Variants in PDE1A observed in about 807,000 individuals in gnomAD.
PDE1A encodes phosphodiesterase 1A, also known as dual specificity calcium/calmodulin-dependent 3',5'-cyclic nucleotide phosphodiesterase 1A.
In PDE1A, 35 loss-of-function variants were observed where a neutral mutation model predicts 61.7. That is an observed-to-expected ratio of 0.57 (90% CI 0.43 to 0.75). PDE1A has a LOEUF of 0.75. Ranked by LOEUF, PDE1A falls within the 30% of genes least tolerant of loss-of-function variation. The probability of loss-of-function intolerance (pLI) is 0.00; values close to 1 mark genes in which losing one functional copy is unlikely to be tolerated. For synonymous variants in PDE1A, 232 were observed against 213.2 expected, an observed-to-expected ratio of 1.09 and a Z score of -0.77; for missense variants, 597 against 630.6, an observed-to-expected ratio of 0.95 and a Z score of 0.57.
At chr2:182,596,427 CAG>C in the PDE1A span, among the ~76,000 whole-genome samples, 4 of 152,294 alleles carry the variant, frequency 2.6e-5, no homozygotes, top group East Asian at 1.9e-4. Flanking sequence ...TGAGAATTTG[CAG>C]AGTCTTAAAA....
At chr2:182,493,988 C>A (rs544422469) in intron 2 of PDE1A, among the ~76,000 whole-genome samples, 1 of 152,278 alleles carries the variant, frequency 6.6e-6, no homozygotes, top group South Asian at 2.1e-4. Context: ...GAAGAAATTC[C>A]AGATCATGGC....
chr2:182,508,810 TA>T lies in PDE1A; in HGVS notation c.101+13465del, dbSNP rs1345138782. On this transcript the variant is annotated intron_variant, in intron 2 of 14. Coordinates refer to the PDE1A transcript ENST00000410103. ...TTTTATTTTATTTTATTTTATTTTT[TA>T]TTTTTTTTTTAATTATACTTTAAGT... is the stretch of plus-strand genomic sequence containing the variant. Among the ~76,000 whole-genome samples, 4 of 142,758 alleles carry T rather than the reference TA, an allele frequency of 2.8e-5. No individual in the cohort carries two copies. The East Asian group carries it at 5.8e-4, about 21-fold the overall frequency. The allele number at this position is 142,758 out of a possible 152,430, so 93.7% of individuals were successfully genotyped here.
the PDE1A span, among the ~76,000 whole-genome samples, chr2:182,683,580 C>T: frequency 6.6e-6 from 1 of 152,084 alleles, no homozygotes; most frequent in East Asian, 1.9e-4. Context: ...AGTTTTCTAA[C>T]CCCAAATACA....
At chr2:182,664,497 T>G in the PDE1A span, among the ~76,000 whole-genome samples, 3 of 152,270 alleles carry the variant, frequency 2.0e-5, no homozygotes, top group South Asian at 6.2e-4. Context: ...TACTAATATT[T>G]ATTTGAAGTT....
chr2:182,212,940 C>T (rs1202156202), intron 7 of PDE1A, among the ~76,000 whole-genome samples: 1 of 151,392 alleles, frequency 6.6e-6, no homozygotes, highest in Non-Finnish European at 1.5e-5. Context: ...CTGCCTGCCT[C>T]TGTAGGCCCC....
intron 1 of PDE1A, among the ~76,000 whole-genome samples, chr2:182,279,155 A>G (rs963843569): frequency 6.6e-6 from 1 of 151,982 alleles, no homozygotes; most frequent in Admixed American, 6.6e-5. Flanking sequence ...TTTTTAGTTT[A>G]GTTTTTCATC....
intron 2 of PDE1A, among the ~76,000 whole-genome samples, chr2:182,468,068 T>C (rs550736188): frequency 1.9e-4 from 29 of 152,016 alleles, no homozygotes; most frequent in Non-Finnish European, 4.1e-4. Context: ...AGAATCTTTC[T>C]TCAGTGTGAT....
intron 3 of PDE1A, among the ~76,000 whole-genome samples, chr2:182,239,228 G>T (rs1690306665): frequency 6.6e-6 from 1 of 152,126 alleles, no homozygotes; most frequent in Non-Finnish European, 1.5e-5. Context: ...CAGAAGATGA[G>T]AAATAATGCA....
At chr2:182,212,294 G>A (rs1315172822) in intron 7 of PDE1A, among the ~76,000 whole-genome samples, 2 of 151,230 alleles carry the variant, frequency 1.3e-5, no homozygotes, top group African/African-American at 2.4e-5. Context: ...CACACATAGT[G>A]GAATGGCTAA....
the PDE1A span, among the ~76,000 whole-genome samples, chr2:182,596,435 T>G: frequency 6.6e-6 from 1 of 152,134 alleles, no homozygotes; most frequent in Non-Finnish European, 1.5e-5. Context: ...TGCAGAGTCT[T>G]AAAAGTGCCA....
At chr2:182,317,769 G>A (rs1696438192) in intron 1 of PDE1A, among the ~76,000 whole-genome samples, 1 of 152,092 alleles carries the variant, frequency 6.6e-6, no homozygotes, top group Admixed American at 6.6e-5. Flanking sequence ...TGATTCTTGA[G>A]TATGCTTAAA....
chr2:182,675,280 C>T, the PDE1A span, among the ~76,000 whole-genome samples: 1 of 152,148 alleles, frequency 6.6e-6, no homozygotes, highest in Non-Finnish European at 1.5e-5. Flanking sequence ...CTGCAAAAGA[C>T]ATGATCTCAT....
intron 2 of PDE1A, among the ~76,000 whole-genome samples, chr2:182,472,360 T>C: frequency 6.6e-6 from 1 of 152,092 alleles, no homozygotes; most frequent in Middle Eastern, 3.4e-3. Context: ...ATATACACAA[T>C]GAAATACTAT....
At chr2:182,459,321 T>TC (rs1487417184) in intron 2 of PDE1A, among the ~76,000 whole-genome samples, 1 of 152,106 alleles carries the variant, frequency 6.6e-6, no homozygotes, top group Non-Finnish European at 1.5e-5. Context: ...GGAGGGAATG[T>TC]TATAAGCCTC....
At chr2:182,161,687 C>T (rs1691389720) in intron 13 of PDE1A, among the ~76,000 whole-genome samples, 1 of 152,108 alleles carries the variant, frequency 6.6e-6, no homozygotes, top group Non-Finnish European at 1.5e-5. Context: ...GTGTGACCCA[C>T]AAGGAGGTGC....
intron 2 of PDE1A, among the ~76,000 whole-genome samples, chr2:182,481,341 C>G (rs1687689629): frequency 1.3e-5 from 2 of 151,880 alleles, no homozygotes; most frequent in Admixed American, 1.3e-4. Flanking sequence ...ACAAGTGAAC[C>G]TCCCTGTCAT....
the PDE1A span, among the ~76,000 whole-genome samples, chr2:182,611,764 C>T: frequency 1.3e-5 from 2 of 151,890 alleles, no homozygotes; most frequent in South Asian, 4.2e-4. Context: ...AAAAAAAAAT[C>T]ATGTCTATTT....
chr2:182,353,885 A>G (rs833153), intron 1 of PDE1A, among the ~76,000 whole-genome samples: 8,810 of 152,162 alleles, frequency 0.058, 318 homozygotes, highest in African/African-American at 0.088. Context: ...TGGTGATTCC[A>G]AGAAGTAGTA....
At chr2:182,620,692 G>A in the PDE1A span, among the ~76,000 whole-genome samples, 1 of 152,120 alleles carries the variant, frequency 6.6e-6, no homozygotes, top group Non-Finnish European at 1.5e-5. Context: ...GTAATGCTAT[G>A]GATTTAATTC....
Sources: gnomAD v4.1 joint callset for allele counts (sites outside exome capture counted in the v4.1 genomes callset) on GRCh38, gnomAD v4.1.1 for gene constraint, MANE v1.5 for transcripts, NCBI Gene and HGNC (gene_info 2026-07-23, HGNC 2026-07-21) for gene names.